Variants in SLC38A10 observed in about 807,000 individuals in gnomAD.
SLC38A10 encodes the protein solute carrier family 38 member 10, also known as Sodium-coupled neutral amino acid transporter 10.
Under a neutral mutation model 81.0 loss-of-function variants are expected in SLC38A10, and 53 were observed. That is an observed-to-expected ratio of 0.65 (90% CI 0.53 to 0.82). The LOEUF (loss-of-function observed/expected upper bound fraction) is 0.82, where lower values mean the gene tolerates loss of function less well. SLC38A10 is among the 40% of genes least tolerant of loss of function. SLC38A10 has a pLI of 0.00. For synonymous variants in SLC38A10, 665 were observed against 655.3 expected, an observed-to-expected ratio of 1.01 and a Z score of -0.23; for missense variants, 1,471 against 1,545.0, an observed-to-expected ratio of 0.95 and a Z score of 0.80.
At chr17:81,250,594 C>T (rs1163694307) in intron 14 of SLC38A10, among the ~76,000 whole-genome samples, 1 of 152,254 alleles carries the variant, frequency 6.6e-6, no homozygotes, top group Non-Finnish European at 1.5e-5. Context: ...CTGGAACAGA[C>T]CCTCTCAATG....
chr17:81,288,429 A>T lies in SLC38A10; in HGVS notation c.217+1262T>A, dbSNP rs1331811048. Among the ~76,000 whole-genome samples the T allele has an allele frequency of 6.6e-6, 1 of 152,212 alleles. No homozygotes were observed. Among genetic ancestry groups the T allele is most frequent in the South Asian group, 2.1e-4 (1 of 4,830 alleles). The stretch of plus-strand genomic sequence containing the variant: ...GGCCAGAGTTTTCACCAAAACCCAC[A>T]GGGCCAACTCCTGAGAACACGGATG... On this transcript the variant is annotated intron_variant, in intron 2 of 15. Transcript: ENST00000374759. This position sits in a 1 kb window ranked among gnomAD's most constrained non-coding sequence, Gnocchi z 5.4.
intron 8 of SLC38A10, among the ~76,000 whole-genome samples, chr17:81,275,507 G>A (rs972477012): frequency 1.3e-5 from 2 of 151,684 alleles, no homozygotes; most frequent in African/African-American, 4.9e-5. Context: ...GCCGAGACGG[G>A]CGGATCACGA....
intron 14 of SLC38A10, among the ~76,000 whole-genome samples, chr17:81,249,643 C>T (rs990797097): frequency 1.3e-5 from 2 of 151,884 alleles, no homozygotes; most frequent in Non-Finnish European, 2.9e-5. Flanking sequence ...GCTGTTCCTA[C>T]AGCCAGAGCC....
intron 5 of SLC38A10, 95 bp downstream of exon 5, chr17:81,282,094 C>T: frequency 6.4e-7 from 1 of 1,554,378 alleles, no homozygotes; most frequent in South Asian, 1.1e-5. Flanking sequence ...CAGCAGGCGG[C>T]CACACCAGAC....
At position 81,253,440 on chromosome 17, in the gene SLC38A10, C is replaced by T. The variant is rs993884892; in HGVS notation, c.1289-200G>A. On this transcript the variant is annotated intron_variant, in intron 11 of 15. Coordinates refer to ENST00000374759, the MANE Select transcript of SLC38A10 (RefSeq NM_001037984.3). The surrounding 1 kb of genome is among the most constrained non-coding windows in gnomAD (Gnocchi z 4.1). ...TTCACAACAAAAATATGTCAAAATG[C>T]GATTTACACCTAACTGGGGGCAGGG... 3.3e-5 allele frequency among the ~76,000 whole-genome samples: 5 copies of T among 152,102 alleles called. No homozygotes were observed. The highest frequency in any genetic ancestry group is 4.8e-5 in the African/African-American group (2 of 41,404).
rs560244261 is a variant in SLC38A10, at chr17:81,270,675, C to T, written c.1131+243G>A. Reference sequence around the variant, plus strand: ...GAAAGCGCTTACGACTCAGCTAAGTCGGCTCTCAGGAAAACCCGATGCACA... The same window carrying T: ...GAAAGCGCTTACGACTCAGCTAAGTTGGCTCTCAGGAAAACCCGATGCACA... On this transcript the variant is annotated intron_variant, in intron 10 of 15. Transcript: ENST00000374759. This position sits in a 1 kb window ranked among gnomAD's most constrained non-coding sequence, Gnocchi z 4.0. 2.6e-5 allele frequency among the ~76,000 whole-genome samples: 4 copies of T among 152,308 alleles called. No homozygotes were observed. The highest frequency in any genetic ancestry group is 3.9e-4 in the East Asian group (2 of 5,176).
chr17:81,272,479 C>A, intron 9 of SLC38A10, 37 bp downstream of exon 9: 1 of 1,460,428 alleles, frequency 6.8e-7, no homozygotes, highest in South Asian at 1.3e-5. Context: ...AGCCCCGGGT[C>A]CCACTCCCCG....
At chr17:81,248,316 A>G (rs1368960243) in intron 14 of SLC38A10, among the ~76,000 whole-genome samples, 3 of 152,164 alleles carry the variant, frequency 2.0e-5, no homozygotes, top group Admixed American at 2.0e-4. Flanking sequence ...CCCGCCAGCC[A>G]TCCTAACCAC....
At position 81,246,389 on chromosome 17, in the gene SLC38A10, T is replaced by C. The variant is rs762505329; in HGVS notation, c.2527A>G (p.Arg843Gly). The stretch of plus-strand genomic sequence containing the variant: ...AGCTCCTTCACAGTGCCAGCTGCCC[T>C]GGGGGCGGCATCCTTCTGGCCATCT... ...LRDGQKDAAPRAAGTVKELPK... is the reference protein window; with the variant it reads ...LRDGQKDAAPGAAGTVKELPK... The change falls in exon 16 of 16, where the codon AGG becomes GGG. Residue 843 changes from arginine (R) to glycine (G), a missense_variant. By Grantham distance (125) the Arg-to-Gly change is moderately radical. Transcript: ENST00000374759. 4 of 1,600,274 alleles carry C rather than the reference T, an allele frequency of 2.5e-6. No homozygotes were observed. The highest frequency in any genetic ancestry group is 1.7e-4 in the Middle Eastern group (1 of 5,776).
chr17:81,289,857 A>G lies in SLC38A10; in HGVS notation c.100-49T>C. 6.8e-7 allele frequency: 1 copy of G among 1,463,424 alleles called. No homozygotes were observed. The highest frequency in any genetic ancestry group is 9.2e-7 in the Non-Finnish European group (1 of 1,084,206). 90.7% of individuals were successfully genotyped at this position (1,463,424 alleles called of 1,614,324 possible). A position where few individuals can be genotyped will look rare whatever the true frequency, so the allele number is the denominator to read the frequency against. On this transcript the variant is annotated intron_variant, in intron 1 of 15. Coordinates refer to ENST00000374759, the MANE Select transcript of SLC38A10 (RefSeq NM_001037984.3). The surrounding 1 kb of genome is among the most constrained non-coding windows in gnomAD (Gnocchi z 5.9). The stretch of plus-strand genomic sequence containing the variant: ...ATGTTCACAGCAGCAGGTGCTCCCC[A>G]GAGGCCCTCACCCCACACACGCGGC...
rs763940291 is a variant in SLC38A10 at position 81,251,593 on chromosome 17, T to C, written c.1965A>G (p.Pro655=). The part of the protein sequence containing the change: ...DSDHGGKPPL[P]AEKPAPGPGL... ...CAGGCCCTGGAGCCGGCTTCTCCGC[T>C]GGGAGGGGAGGCTTCCCACCTGCAC... is the stretch of plus-strand genomic sequence containing the variant. The change falls in exon 14 of 16, where the codon CCA becomes CCG. Residue 655 remains proline, a synonymous_variant. Coordinates refer to ENST00000374759, the MANE Select transcript of SLC38A10 (RefSeq NM_001037984.3). 7.4e-6 allele frequency: 11 copies of C among 1,490,934 alleles called. No homozygotes were observed. Among genetic ancestry groups the C allele is most frequent in the Non-Finnish European group, 9.8e-6 (11 of 1,127,828 alleles). The allele number at this position is 1,490,934 out of a possible 1,614,324, so 92.4% of individuals were successfully genotyped here. A position where few individuals can be genotyped will look rare whatever the true frequency, so the allele number is the denominator to read the frequency against.
chr17:81,280,871 G>A (rs945578276), intron 5 of SLC38A10, 138 bp from the exon 6 acceptor site: 2 of 1,213,328 alleles, frequency 1.6e-6, no homozygotes, highest in Non-Finnish European at 1.1e-6. Flanking sequence ...CCACCACCCT[G>A]TGCCGCCCTG....
chr17:81,261,174 G>A (rs567349144), intron 10 of SLC38A10, among the ~76,000 whole-genome samples: 4 of 152,308 alleles, frequency 2.6e-5, no homozygotes, highest in Admixed American at 6.5e-5. Context: ...CACACGTGCC[G>A]CCTCGGTGAC....
At chr17:81,264,312 G>A (rs1313302722) in intron 10 of SLC38A10, 1 of 152,342 alleles carries the variant, frequency 6.6e-6, no homozygotes, top group Non-Finnish European at 1.5e-5. Context: ...AACTTCCTTT[G>A]AGGACGCGGT....
chr17:81,252,972 G>C (rs922850822), intron 12 of SLC38A10, 101 bp downstream of exon 12: 14 of 1,418,278 alleles, frequency 9.9e-6, no homozygotes, highest in Non-Finnish European at 1.3e-5. Context: ...AAGGGAAAAA[G>C]ATACACACAG....
Position 81,289,807 on chromosome 17 carries a change from C to T in SLC38A10, c.101G>A (p.Cys34Tyr). Residue 34 changes from cysteine to tyrosine, a missense_variant and splice_region_variant, in exon 2 of 16, where the codon TGC becomes TAC. Transcript: ENST00000374759. This position sits in a 1 kb window ranked among gnomAD's most constrained non-coding sequence, Gnocchi z 5.9. Reference sequence around the variant, plus strand: ...GAGCAGCGCCCCCAGGACGATGCCGCACTGCAGGGTGGAGACAGGAACACA... The same window carrying T: ...GAGCAGCGCCCCCAGGACGATGCCGTACTGCAGGGTGGAGACAGGAACACA... ...VLTMPFCFKQCGIVLGALLLV... is the reference protein window; with the variant it reads ...VLTMPFCFKQYGIVLGALLLV... 1 of 1,593,368 alleles carries T rather than the reference C, an allele frequency of 6.3e-7. No homozygotes were observed. Among genetic ancestry groups the T allele is most frequent in the Non-Finnish European group, 8.5e-7 (1 of 1,171,470 alleles).
chr17:81,268,315 A>G (rs1471962446), intron 10 of SLC38A10, among the ~76,000 whole-genome samples: 1 of 151,160 alleles, frequency 6.6e-6, no homozygotes, highest in African/African-American at 2.5e-5. Context: ...TCTGCAAAAT[A>G]CCAGGCACAC....
rs1230901459 is a variant in SLC38A10, at chr17:81,246,867, T to G, written c.2242+18A>C. ...CCCTGCCTGGCCCCACCCCACTCCA[T>G]CCGCCAGCCCGGCCTACCCTGCCTG... On this transcript the variant is annotated intron_variant, in intron 15 of 15. Coordinates refer to ENST00000374759, the MANE Select transcript of SLC38A10 (RefSeq NM_001037984.3). The G allele has an allele frequency of 1.9e-6, 3 of 1,569,690 alleles. No individual in the cohort carries two copies. The highest frequency in any genetic ancestry group is 2.6e-6 in the Non-Finnish European group (3 of 1,154,644).
In SLC38A10 at chr17:81,277,229, C is replaced by A; in HGVS notation, c.627-96G>T. The A allele has an allele frequency of 9.5e-7, 1 of 1,047,980 alleles. No homozygotes were observed. Among genetic ancestry groups the A allele is most frequent in the Non-Finnish European group, 1.4e-6 (1 of 690,174 alleles). 64.9% of individuals were successfully genotyped at this position (1,047,980 alleles called of 1,614,324 possible). On this transcript the variant is annotated intron_variant, in intron 6 of 15. Coordinates refer to ENST00000374759, the MANE Select transcript of SLC38A10 (RefSeq NM_001037984.3). This position sits in a 1 kb window ranked among gnomAD's most constrained non-coding sequence, Gnocchi z 4.5. ...GACCTCTCTGCAGCCCAGTGAGAGT[C>A]TCTGACCTTCCTTCATGCAACATTC...
Sources: gnomAD v4.1 joint callset for allele counts (sites outside exome capture counted in the v4.1 genomes callset) on GRCh38, gnomAD v4.1.1 for gene constraint, Gnocchi (gnomAD v3.1) non-coding constraint, MANE v1.5 for transcripts, NCBI Gene and HGNC (gene_info 2026-07-23, HGNC 2026-07-21) for gene names.